The following CNR2 variants were observed in gnomAD, a reference collection of about 807,000 sequenced individuals.
CNR2 encodes the protein cannabinoid receptor 2.
For synonymous variants in CNR2, 172 were observed against 182.2 expected (o/e 0.94, Z 0.45); for missense variants, 379 against 439.9 (o/e 0.86, Z 1.24).
intron 1 of CNR2, among the ~76,000 whole-genome samples, chr1:23,906,262 C>T (rs944226092): frequency 2.0e-5 from 3 of 152,012 alleles, no homozygotes; most frequent in African/African-American, 7.3e-5. Context: ...TTCTCTCGTG[C>T]AAATTACGTC....
At chr1:23,889,306 A>G (rs2501390) in intron 1 of CNR2, among the ~76,000 whole-genome samples, 128,739 of 152,104 alleles carry the variant, frequency 0.85, 54,584 homozygotes, top group Admixed American at 0.86. Context: ...GAGGTAAGGA[A>G]GAGAATGATA....
At chr1:23,899,877 G>A (rs72875823) in intron 1 of CNR2, among the ~76,000 whole-genome samples, 2 of 754 alleles carry the variant, frequency 2.7e-3, no homozygotes, top group African/African-American at 1.5e-3. Context: ...GAAAGAGAGA[G>A]AGAGAAAGAA....
At chr1:23,891,459 A>T (rs1557529059) in intron 1 of CNR2, among the ~76,000 whole-genome samples, 1 of 151,896 alleles carries the variant, frequency 6.6e-6, no homozygotes, top group Non-Finnish European at 1.5e-5. Context: ...CCTCTACTAA[A>T]AATACAAAAA....
chr1:23,901,964 C>A, intron 1 of CNR2: 1 of 1,604,406 alleles, frequency 6.2e-7, no homozygotes, highest in Non-Finnish European at 8.5e-7. Context: ...GAAGTCCAGG[C>A]GGGGCTTGTT....
intron 1 of CNR2, among the ~76,000 whole-genome samples, chr1:23,890,722 G>T (rs1640175306): frequency 6.9e-6 from 1 of 145,976 alleles, no homozygotes; most frequent in African/African-American, 2.5e-5. Flanking sequence ...TCCAGCCTGG[G>T]CAACAAGAGT....
chr1:23,887,838 G>GC (rs1325515411), intron 1 of CNR2, among the ~76,000 whole-genome samples: 10 of 117,696 alleles, frequency 8.5e-5, no homozygotes, highest in African/African-American at 3.3e-4. Context: ...AATTTAAGTA[G>GC]CCCCCCGAAG....
intron 1 of CNR2, among the ~76,000 whole-genome samples, chr1:23,911,933 C>T (rs16829011): frequency 0.016 from 2,396 of 152,236 alleles, 59 homozygotes; most frequent in African/African-American, 0.054. Context: ...ATGCTGCCAA[C>T]GTGTCTACTT....
Position 23,901,961 on chromosome 1 carries a change from A to C in CNR2, c.-46+11285T>G. ...CTTCCTCTTGATCAGGGGGAAGTCC[A>C]GGCGGGGCTTGTTGGTGGCCGTGTA... On this transcript the variant is annotated intron_variant, in intron 1 of 1. Transcript: ENST00000374472. 2.5e-6 allele frequency: 4 copies of C among 1,604,474 alleles called. No individual in the cohort carries two copies. In the South Asian group the frequency reaches 4.4e-5, roughly 18 times the overall value.
chr1:23,894,645 T>TAA (rs1326685978), intron 1 of CNR2, among the ~76,000 whole-genome samples: 4 of 131,694 alleles, frequency 3.0e-5, no homozygotes, highest in African/African-American at 1.1e-4. Flanking sequence ...GTATTATAAA[T>TAA]AATAATAATA....
chr1:23,886,526 G>A (rs1640092803), intron 1 of CNR2, among the ~76,000 whole-genome samples: 1 of 152,224 alleles, frequency 6.6e-6, no homozygotes, highest in African/African-American at 2.4e-5. Flanking sequence ...TGGTGGCCAT[G>A]CCGGGGCTAG....
intron 1 of CNR2, among the ~76,000 whole-genome samples, chr1:23,912,133 T>G (rs1257268399): frequency 6.6e-6 from 1 of 152,196 alleles, no homozygotes; most frequent in Non-Finnish European, 1.5e-5. Flanking sequence ...CAGGCCCATG[T>G]TTCTCAGAAG....
intron 1 of CNR2, 73 bp from the exon 2 acceptor site, chr1:23,875,735 G>A (rs1187610818): frequency 7.9e-7 from 1 of 1,260,660 alleles, no homozygotes. Context: ...ATAACTGACT[G>A]TAGCCAAAAC....
intron 1 of CNR2, among the ~76,000 whole-genome samples, chr1:23,880,728 G>T (rs758999385): frequency 6.6e-5 from 10 of 151,184 alleles, no homozygotes; most frequent in Non-Finnish European, 1.0e-4. Context: ...ACCAGGCATG[G>T]CTTTTTTTAA....
chr1:23,874,478 CT>C lies in CNR2; in HGVS notation c.*56del. On this transcript the variant is annotated 3_prime_UTR_variant, in exon 2 of 2. Coordinates refer to ENST00000374472, the MANE Select transcript of CNR2 (RefSeq NM_001841.3). ...AGAGAGTGCCAAGACCCCTCTCTCT[CT>C]TCCAGGGAGTGAACTGATTTCTGAC... 2.6e-6 allele frequency: 4 copies of C among 1,549,012 alleles called. No individual in the cohort carries two copies. In the Middle Eastern group the frequency reaches 5.2e-4, roughly 202 times the overall value.
intron 1 of CNR2, among the ~76,000 whole-genome samples, chr1:23,906,625 G>A (rs1374142547): frequency 6.9e-6 from 1 of 145,086 alleles, no homozygotes; most frequent in Non-Finnish European, 1.5e-5. Context: ...GATCCACCTT[G>A]AGCTTCAGCA....
rs1484764426 is a variant in CNR2 at position 23,875,383 on chromosome 1, C to T, written c.235G>A (p.Ala79Thr). Residue 79 changes from alanine to threonine, a missense_variant, in exon 2 of 2, where the codon GCT (alanine) becomes ACT (threonine). By Grantham distance (58) the Ala-to-Thr change is moderately conservative. Coordinates refer to ENST00000374472, the MANE Select transcript of CNR2 (RefSeq NM_001841.3). The part of the protein sequence containing the change: ...SYLFIGSLAG[A>T]DFLASVVFAC... ...AAGACCACACTGGCCAGGAAGTCAG[C>T]CCCAGCCAAGCTGCCAATGAACAGG... 1 of 1,614,198 alleles carries T rather than the reference C, an allele frequency of 6.2e-7. No individual in the cohort carries two copies. The highest frequency in any genetic ancestry group is 1.1e-5 in the South Asian group (1 of 91,080).
chr1:23,893,638 T>C (rs955261361), intron 1 of CNR2, among the ~76,000 whole-genome samples: 7 of 152,224 alleles, frequency 4.6e-5, no homozygotes, highest in Admixed American at 4.6e-4. Context: ...GCTGGATCTA[T>C]CCAGAAGCCA....
chr1:23,884,776 C>T (rs148882296), intron 1 of CNR2, among the ~76,000 whole-genome samples: 1 of 151,660 alleles, frequency 6.6e-6, no homozygotes, highest in East Asian at 1.9e-4. Context: ...CAGCACAATG[C>T]TTGCTGCATA....
chr1:23,891,764 T>C (rs976920443), intron 1 of CNR2, among the ~76,000 whole-genome samples: 1 of 152,340 alleles, frequency 6.6e-6, no homozygotes, highest in Non-Finnish European at 1.5e-5. Flanking sequence ...ATTATATGTG[T>C]CCATTCCACA....
Sources: allele counts gnomAD v4.1 joint callset (sites outside exome capture counted in the v4.1 genomes callset), GRCh38; gene constraint gnomAD v4.1.1; transcripts MANE v1.5; gene names NCBI Gene and HGNC (gene_info 2026-07-23, HGNC 2026-07-21).